WDR48: variants seen among roughly 807,000 people sequenced by gnomAD.
The protein encoded by WDR48 is WD repeat-containing protein 48.
Under a neutral mutation model 94.0 loss-of-function variants are expected in WDR48, and 22 were observed. The observed-to-expected ratio is 0.23, with a 90% confidence interval of 0.17 to 0.33. WDR48 has a LOEUF of 0.33. Ranked by LOEUF, WDR48 falls within the 10% of genes least tolerant of loss-of-function variation. The pLI is 1.00. For missense variants in WDR48, 541 were observed against 813.8 expected (o/e 0.66, Z 4.08); for synonymous variants, 278 against 280.5 (o/e 0.99, Z 0.09).
chr3:39,094,114 T>C, intron 18 of WDR48, 48 bp downstream of exon 18: 1 of 1,571,050 alleles, frequency 6.4e-7, no homozygotes, highest in Non-Finnish European at 8.6e-7. Flanking sequence ...GTGCTGGTGC[T>C]CATAAAGAGT....
intron 7 of WDR48, among the ~76,000 whole-genome samples, chr3:39,070,778 G>A (rs571351680): frequency 6.6e-6 from 1 of 151,102 alleles, no homozygotes; most frequent in Admixed American, 6.6e-5. Flanking sequence ...TGCCATGCTG[G>A]TGCGCTGCAC....
intron 10 of WDR48, among the ~76,000 whole-genome samples, chr3:39,078,955 G>A (rs1302715972): frequency 2.7e-5 from 4 of 150,578 alleles, no homozygotes; most frequent in South Asian, 2.1e-4. Context: ...GCGTGAACCC[G>A]GGAGGCGGAG....
chr3:39,089,104 T>C, intron 15 of WDR48, 127 bp from the exon 16 acceptor site: 1 of 758,524 alleles, frequency 1.3e-6, no homozygotes, highest in Non-Finnish European at 2.1e-6. Context: ...TACTTTTATT[T>C]CCTCAGCTGT....
At chr3:39,072,208 G>A (rs928549747) in intron 7 of WDR48, among the ~76,000 whole-genome samples, 7 of 152,320 alleles carry the variant, frequency 4.6e-5, no homozygotes, top group East Asian at 1.9e-4. Flanking sequence ...AGGGAGTTCT[G>A]CCTGTAAAGA....
Position 39,066,981 on chromosome 3 carries a change from AT to A in WDR48, c.481+110del, listed in dbSNP as rs2033646103. ...GGTTTGCATCGAGAGAGTGTTTCAT[AT>A]TTTGAGAGTGCTTCTACCTACAGCG... On this transcript the variant is annotated intron_variant, in intron 5 of 18. Coordinates refer to ENST00000302313, the MANE Select transcript of WDR48 (RefSeq NM_020839.4). 56 of 1,357,228 alleles carry A rather than the reference AT, an allele frequency of 4.1e-5. 2 individuals are homozygous for A. The South Asian group carries it at 7.5e-4, about 18-fold the overall frequency. 84.1% of individuals were successfully genotyped at this position (1,357,228 alleles called of 1,614,324 possible).
At chr3:39,058,707 CAG>C (rs554970773) in intron 1 of WDR48, among the ~76,000 whole-genome samples, 115 of 152,260 alleles carry the variant, frequency 7.6e-4, no homozygotes, top group Non-Finnish European at 1.2e-3. Flanking sequence ...AATGGGGGCA[CAG>C]GGGTGGAAGG....
chr3:39,073,799 C>A (rs1363292853), intron 7 of WDR48, among the ~76,000 whole-genome samples: 9 of 152,098 alleles, frequency 5.9e-5, no homozygotes, highest in Admixed American at 5.9e-4. Flanking sequence ...GGAAAGTGTC[C>A]AACGCAAAGA....
At position 39,069,723 on chromosome 3, in the gene WDR48, A is replaced by G. The variant is rs564328305; in HGVS notation, c.651A>G (p.Leu217=). The G allele has an allele frequency of 4.3e-6, 7 of 1,613,116 alleles. No individual in the cohort carries two copies. Among genetic ancestry groups the G allele is most frequent in the African/African-American group, 2.7e-5 (2 of 74,938 alleles). The change falls in exon 7 of 19, where the codon CTA becomes CTG. Residue 217 remains leucine (L), a synonymous_variant. Coordinates refer to ENST00000302313, the MANE Select transcript of WDR48 (RefSeq NM_020839.4). ...KGHTDNVKAL[L]LNRDGTQCLS... ...ACACGGATAATGTGAAGGCATTGCTATTAAACAGAGATGGCACGCAAGTAT... is the reference window on the plus strand; with the variant it reads ...ACACGGATAATGTGAAGGCATTGCTGTTAAACAGAGATGGCACGCAAGTAT...
rs1464402549 is a variant in WDR48, at chr3:39,095,174, C to A, written c.*431C>A. On this transcript the variant is annotated 3_prime_UTR_variant, in exon 19 of 19. Transcript: ENST00000302313. ...TCTAAAACAGTACATTCCATTCATG[C>A]AGTAGATATGAAGGCTTTTTCCAAG... is the stretch of plus-strand genomic sequence containing the variant. 1 of 168,052 alleles carries A rather than the reference C, an allele frequency of 6.0e-6. No homozygotes were observed. Among genetic ancestry groups the A allele is most frequent in the Non-Finnish European group, 1.3e-5 (1 of 78,072 alleles). The allele number at this position is 168,052 out of a possible 1,614,324, so 10.4% of individuals were successfully genotyped here.
At chr3:39,074,580 A>G (rs1465520454) in intron 7 of WDR48, 146 bp from the exon 8 acceptor site, 2 of 786,074 alleles carry the variant, frequency 2.5e-6, no homozygotes, top group East Asian at 2.7e-5. Context: ...CCTGTGGTGC[A>G]TGGTTGTCAA....
intron 1 of WDR48, among the ~76,000 whole-genome samples, chr3:39,061,808 G>C (rs1002480869): frequency 2.0e-5 from 3 of 152,016 alleles, no homozygotes; most frequent in African/African-American, 4.8e-5. Flanking sequence ...GGCATGAGAT[G>C]GTATCTCATT....
Position 39,084,714 on chromosome 3 carries a change from A to G in WDR48, c.1351A>G (p.Ser451Gly). ...GGTTTCTGCAAAAGATGCTGGTTTC[A>G]GCAGCCCTGATGGGTCAGATCCAAA... Reference protein sequence around the residue: ...AWVSAKDAGFSSPDGSDPKLN... With the variant: ...AWVSAKDAGFGSPDGSDPKLN... Residue 451 changes from serine to glycine, a missense_variant, in exon 13 of 19, where the codon AGC becomes GGC. By Grantham distance (56) the Ser-to-Gly change is moderately conservative (BLOSUM62 0). Transcript: ENST00000302313. 1.2e-6 allele frequency: 2 copies of G among 1,613,756 alleles called. No individual in the cohort carries two copies. The highest frequency in any genetic ancestry group is 1.7e-6 in the Non-Finnish European group (2 of 1,179,818).
chr3:39,094,152 C>T lies in WDR48; in HGVS notation c.1938+86C>T, dbSNP rs570906302. On this transcript the variant is annotated intron_variant, in intron 18 of 18. Transcript: ENST00000302313. Reference sequence around the variant, plus strand: ...CATGCCTTTGGGTGGGGGGCTTCTACTTTTAGAGGGGCTCTAAGGAGCCCT... The same window carrying T: ...CATGCCTTTGGGTGGGGGGCTTCTATTTTTAGAGGGGCTCTAAGGAGCCCT... 22 of 1,515,898 alleles carry T rather than the reference C, an allele frequency of 1.5e-5. No individual in the cohort carries two copies. The South Asian group carries it at 2.9e-4, about 20-fold the overall frequency. 93.9% of individuals were successfully genotyped at this position (1,515,898 alleles called of 1,614,324 possible).
intron 5 of WDR48, 93 bp from the exon 6 acceptor site, chr3:39,068,677 GA>G: frequency 1.2e-6 from 1 of 800,718 alleles, no homozygotes. Context: ...ATAAAGATAA[GA>G]TTTTCTAAAT....
Position 39,094,721 on chromosome 3 carries a change from A to G in WDR48, c.2012A>G (p.His671Arg), listed in dbSNP as rs1249976402. 4.3e-6 allele frequency: 7 copies of G among 1,613,948 alleles called. No homozygotes were observed. The highest frequency in any genetic ancestry group is 4.0e-5 in the African/African-American group (3 of 74,904). Residue 671 changes from histidine (H) to arginine (R), a missense_variant, in exon 19 of 19, where the codon CAT (histidine) becomes CGT (arginine). Around this residue, in one of 5 missense-constraint regions of WDR48, gnomAD observed 109 missense variants for 195.5 expected, o/e 0.56. Transcript: ENST00000302313. The part of the protein sequence containing the change: ...IWKSGGDLTL[H>R]YRQKST ...AAGAGCGGTGGAGACCTCACCCTCC[A>G]TTACCGTCAGAAGTCCACGTGAAGG...
At chr3:39,069,179 C>T (rs925060698) in intron 6 of WDR48, among the ~76,000 whole-genome samples, 2 of 152,122 alleles carry the variant, frequency 1.3e-5, no homozygotes, top group Admixed American at 6.5e-5. Flanking sequence ...GACAGGGTTT[C>T]GCCATGTTGT....
Position 39,084,606 on chromosome 3 carries a change from T to C in WDR48, c.1282-39T>C, listed in dbSNP as rs756279311. Reference sequence around the variant, plus strand: ...GGTTTAGAGACTTGTTTGGAGAATATATTCAAATGGGATGCCACTAAGTTT... The same window carrying C: ...GGTTTAGAGACTTGTTTGGAGAATACATTCAAATGGGATGCCACTAAGTTT... On this transcript the variant is annotated intron_variant, in intron 12 of 18. Coordinates refer to ENST00000302313, the MANE Select transcript of WDR48 (RefSeq NM_020839.4). The C allele has an allele frequency of 3.9e-6, 6 of 1,555,476 alleles. No homozygotes were observed. In the East Asian group the frequency reaches 1.3e-4, roughly 35 times the overall value.
At chr3:39,074,332 A>G (rs1426942941) in intron 7 of WDR48, among the ~76,000 whole-genome samples, 1 of 152,214 alleles carries the variant, frequency 6.6e-6, no homozygotes, top group African/African-American at 2.4e-5. Flanking sequence ...TTTCTCTTCT[A>G]TCCATTTTCC....
At chr3:39,058,531 A>G (rs769985388) in intron 1 of WDR48, among the ~76,000 whole-genome samples, 3 of 152,194 alleles carry the variant, frequency 2.0e-5, no homozygotes, top group Non-Finnish European at 4.4e-5. Flanking sequence ...GATATGCTGC[A>G]CAGTCTCAGT....
Sources: gnomAD v4.1 joint callset for allele counts (sites outside exome capture counted in the v4.1 genomes callset) on GRCh38, gnomAD v4.1.1 for gene constraint, gnomAD v4.1.1 regional missense constraint, MANE v1.5 for transcripts, NCBI Gene and HGNC (gene_info 2026-07-23, HGNC 2026-07-21) for gene names.